The following PIK3C2B variants were observed in gnomAD, a reference collection of about 807,000 sequenced individuals.
PIK3C2B encodes phosphatidylinositol 4-phosphate 3-kinase C2 domain-containing subunit beta.
PIK3C2B carries 83 observed loss-of-function variants against 184.3 expected under a neutral mutation model. The ratio of observed to expected loss-of-function variants is 0.45; its 90% CI spans 0.38 to 0.54. The LOEUF is 0.54. PIK3C2B is among the 20% of genes least tolerant of loss of function. PIK3C2B has a pLI of 0.00. For missense variants in PIK3C2B, 1,736 were observed against 2,113.5 expected (o/e 0.82, Z 3.50); for synonymous variants, 779 against 837.6 (o/e 0.93, Z 1.21).
chr1:204,429,935 G>C lies in PIK3C2B; in HGVS notation c.4384C>G (p.Pro1462Ala), dbSNP rs537055085. Residue 1462 changes from proline (P) to alanine (A), a missense_variant, in exon 29 of 33, where the codon CCT becomes GCT. Pro to Ala is a conservative substitution (Grantham distance 27). Around this residue, in one of 8 missense-constraint regions of PIK3C2B, gnomAD observed 200 missense variants for 199.1 expected, o/e 1.00. Coordinates refer to ENST00000684373, the MANE Select transcript of PIK3C2B (RefSeq NM_001377334.1). ...AGCCCACCCACCTCGGCCACCTCAG[G>C]GGGTGCGTGGATCAAGTGCCAGATG... The part of the protein sequence containing the change: ...GYIWHLIHAP[P>A]EVAECDLVYT... 3.1e-6 allele frequency: 5 copies of C among 1,609,912 alleles called. No homozygotes were observed. In the East Asian group the frequency reaches 1.1e-4, roughly 36 times the overall value.
chr1:204,475,522 G>A (rs2103523465), intron 1 of PIK3C2B, among the ~76,000 whole-genome samples: 1 of 152,280 alleles, frequency 6.6e-6, no homozygotes, highest in East Asian at 1.9e-4. Context: ...GGGTGGTCAG[G>A]ATGTAGGTGG....
In PIK3C2B at chr1:204,442,621, T is replaced by C. The variant is rs1382438840; in HGVS notation, c.3061A>G (p.Thr1021Ala). The C allele has an allele frequency of 1.3e-6, 2 of 1,550,108 alleles. No homozygotes were observed. Among genetic ancestry groups the C allele is most frequent in the Non-Finnish European group, 1.7e-6 (2 of 1,145,404 alleles). Residue 1021 changes from threonine to alanine, a missense_variant, in exon 20 of 33, where the codon ACG (threonine) becomes GCG (alanine). Physicochemically the swap from Thr to Ala is moderately conservative, Grantham distance 58 (BLOSUM62 0). Around this residue, in one of 8 missense-constraint regions of PIK3C2B, gnomAD observed 289 missense variants for 380.4 expected, o/e 0.76. Transcript: ENST00000684373. ...APSARQGILRTGLEEVKQFFA... is the reference protein window; with the variant it reads ...APSARQGILRAGLEEVKQFFA... ...AACTGCTTCACCTCCTCCAGGCCCGTGCGGAGGATTCCCTGGAAAGAAGGG... is the reference window on the plus strand; with the variant it reads ...AACTGCTTCACCTCCTCCAGGCCCGCGCGGAGGATTCCCTGGAAAGAAGGG...
chr1:204,469,134 C>G lies in PIK3C2B; in HGVS notation c.669G>C (p.Leu223=). 1 of 1,614,184 alleles carries G rather than the reference C, an allele frequency of 6.2e-7. No homozygotes were observed. Among genetic ancestry groups the G allele is most frequent in the Non-Finnish European group, 8.5e-7 (1 of 1,180,034 alleles). Residue 223 remains leucine, a synonymous_variant, in exon 2 of 33, where the codon CTG becomes CTC. Coordinates refer to ENST00000684373, the MANE Select transcript of PIK3C2B (RefSeq NM_001377334.1). ...VLGGGGQGRL[L]GSVDYDGIND... ...TGATACCATCATAGTCCACAGACCC[C>G]AGTAGGCGCCCCTGACCCCCACCTC...
Position 204,469,794 on chromosome 1 carries a change from C to G in PIK3C2B, c.9G>C (p.Ser3=), listed in dbSNP as rs2103516830. The change falls in exon 2 of 33, where the codon TCG becomes TCC. Residue 3 remains serine, a synonymous_variant. Coordinates refer to ENST00000684373, the MANE Select transcript of PIK3C2B (RefSeq NM_001377334.1). MS[S]TQGNGEHWKS... Reference sequence around the variant, plus strand: ...TCCAGTGTTCCCCATTGCCCTGAGTCGAAGACATGGTGAGGATGGGGGACA... The same window carrying G: ...TCCAGTGTTCCCCATTGCCCTGAGTGGAAGACATGGTGAGGATGGGGGACA... 6.2e-7 allele frequency: 1 copy of G among 1,612,400 alleles called. No homozygotes were observed. Among genetic ancestry groups the G allele is most frequent in the South Asian group, 1.1e-5 (1 of 91,020 alleles).
rs1675182170 is a variant in PIK3C2B, at chr1:204,433,497, G to T, written c.3844-72C>A. On this transcript the variant is annotated intron_variant, in intron 25 of 32. Transcript: ENST00000684373. This position sits in a 1 kb window ranked among gnomAD's most constrained non-coding sequence, Gnocchi z 5.0. The stretch of plus-strand genomic sequence containing the variant: ...AATTCTTGCTGCTTCTCTACCCTTA[G>T]GCAAGGTTTTCTACAGCTAGGCTCC... 2 of 1,023,488 alleles carry T rather than the reference G, an allele frequency of 2.0e-6. No individual in the cohort carries two copies. Among genetic ancestry groups the T allele is most frequent in the Non-Finnish European group, 1.5e-6 (1 of 654,708 alleles). 63.4% of individuals were successfully genotyped at this position (1,023,488 alleles called of 1,614,324 possible).
chr1:204,435,488 G>C (rs1481921532), intron 23 of PIK3C2B: 1 of 152,064 alleles, frequency 6.6e-6, no homozygotes, highest in East Asian at 1.9e-4. Context: ...TTAGGAATGA[G>C]GGAAAGCTTA....
chr1:204,426,446 A>T (rs765872924), intron 31 of PIK3C2B, among the ~76,000 whole-genome samples: 33 of 152,120 alleles, frequency 2.2e-4, no homozygotes, highest in Non-Finnish European at 4.3e-4. Flanking sequence ...ATGCATAAAC[A>T]TGGCTCCCTC....
Position 204,464,141 on chromosome 1 carries a change from G to A in PIK3C2B, c.1190-9C>T. 1 of 1,613,464 alleles carries A rather than the reference G, an allele frequency of 6.2e-7. No homozygotes were observed. ...GTCTACAGTGGAGGAACCTGTGAAG[G>A]GTAAGGTAGGGGGAGCAATCATGAT... On this transcript the variant is annotated splice_polypyrimidine_tract_variant and intron_variant, in intron 4 of 32. Transcript: ENST00000684373.
intron 2 of PIK3C2B, among the ~76,000 whole-genome samples, chr1:204,465,642 ACGGGCTTTC>A (rs1030555946): frequency 3.4e-5 from 5 of 146,934 alleles, no homozygotes; most frequent in African/African-American, 1.2e-4. Context: ...CTCCTGCAAC[ACGGGCTTTC>A]CGGGGGATTC....
At chr1:204,489,780 G>C in intron 1 of PIK3C2B, 1 of 396,722 alleles carries the variant, frequency 2.5e-6, no homozygotes, top group Non-Finnish European at 4.4e-6. Context: ...TCTGGGCTTT[G>C]CTTAGTTTAT....
rs1328915776 is a variant in PIK3C2B at position 204,444,076 on chromosome 1, G to A, written c.2859C>T (p.Tyr953=). 5.0e-6 allele frequency: 8 copies of A among 1,607,088 alleles called. No homozygotes were observed. The highest frequency in any genetic ancestry group is 6.0e-6 in the Non-Finnish European group (7 of 1,173,494). Reference sequence around the variant, plus strand: ...TCTACATGCAGTTTTACCAGAAGAAGTAGTGAGTCACTCTCAAGTCAGACA... The same window carrying A: ...TCTACATGCAGTTTTACCAGAAGAAATAGTGAGTCACTCTCAAGTCAGACA... ...RAVSDLRVTH[Y]FFWLLKDGLK... Residue 953 remains tyrosine, a synonymous_variant, in exon 18 of 33, where the codon TAC becomes TAT. Coordinates refer to ENST00000684373, the MANE Select transcript of PIK3C2B (RefSeq NM_001377334.1).
intron 14 of PIK3C2B, 37 bp downstream of exon 14, chr1:204,449,148 C>G: frequency 7.1e-7 from 1 of 1,403,226 alleles, no homozygotes; most frequent in East Asian, 2.3e-5. Flanking sequence ...CTGGAATGGT[C>G]TTGCTGGTGA....
Position 204,442,591 on chromosome 1 carries a change from C to G in PIK3C2B, c.3091G>C (p.Ala1031Pro). 1 of 1,556,344 alleles carries G rather than the reference C, an allele frequency of 6.4e-7. No homozygotes were observed. Among genetic ancestry groups the G allele is most frequent in the Non-Finnish European group, 8.7e-7 (1 of 1,149,480 alleles). The change falls in exon 20 of 33, where the codon GCC becomes CCC. Residue 1031 changes from alanine (A) to proline (P), a missense_variant. Physicochemically the swap from Ala to Pro is conservative, Grantham distance 27. This residue lies in a region of PIK3C2B where 289 missense variants were observed against 380.4 expected (regional missense o/e 0.76). Transcript: ENST00000684373. The part of the protein sequence containing the change: ...TGLEEVKQFF[A>P]LNGSCRLPLS... The stretch of plus-strand genomic sequence containing the variant: ...GGCAAGCGGCACGAGCCATTGAGGG[C>G]AAAGAACTGCTTCACCTCCTCCAGG...
Position 204,432,241 on chromosome 1 carries a change from G to A in PIK3C2B, c.4114C>T (p.Leu1372Phe). 5.6e-6 allele frequency: 9 copies of A among 1,614,106 alleles called. No homozygotes were observed. Among genetic ancestry groups the A allele is most frequent in the Non-Finnish European group, 6.8e-6 (8 of 1,180,008 alleles). Residue 1372 changes from leucine to phenylalanine, a missense_variant, in exon 27 of 33, where the codon CTC (leucine) becomes TTC (phenylalanine). Leu to Phe is a conservative substitution (Grantham distance 22). This residue lies in a region of PIK3C2B where 200 missense variants were observed against 199.1 expected (regional missense o/e 1.00). Transcript: ENST00000684373. ...KSSGRISDVF[L>F]CRHEKIFHPN... ...TGGAAGATCTTCTCATGGCGGCAGAGGAAAACATCACTGATTCGGCCAGAG... is the reference window on the plus strand; with the variant it reads ...TGGAAGATCTTCTCATGGCGGCAGAAGAAAACATCACTGATTCGGCCAGAG...
intron 10 of PIK3C2B, 69 bp from the exon 11 acceptor site, chr1:204,456,120 T>C (rs1654827682): frequency 7.5e-7 from 1 of 1,333,872 alleles, no homozygotes; most frequent in Non-Finnish European, 1.0e-6. Flanking sequence ...TGCCATGGCA[T>C]TGGCTAGAAT....
rs1477879608 is a variant in PIK3C2B at position 204,444,342 on chromosome 1, G to A, written c.2761C>T (p.Gln921Ter). 1 of 1,612,194 alleles carries A rather than the reference G, an allele frequency of 6.2e-7. No homozygotes were observed. The highest frequency in any genetic ancestry group is 1.3e-5 in the African/African-American group (1 of 74,834). ...ACCAATCCACCCACCTGTACCAGCT[G>A]GGGCAGGTAGTCTAGCAGCTCAGCA... ...SDAELLDYLP[Q>*]LVQALKYECY... Residue 921 changes from glutamine to a stop codon, truncating the protein, a stop_gained, in exon 17 of 33, where the codon CAG becomes TAG. Coordinates refer to ENST00000684373, the MANE Select transcript of PIK3C2B (RefSeq NM_001377334.1). LOFTEE classifies it high-confidence loss of function.
In PIK3C2B at chr1:204,433,554, T is replaced by A; in HGVS notation, c.3844-129A>T. ...CTTCTAGAGGGTGGTAGACAGATGC[T>A]GTGGGCAGTGGCTGGAGGGCCACAG... On this transcript the variant is annotated intron_variant, in intron 25 of 32. Transcript: ENST00000684373. The surrounding 1 kb of genome is among the most constrained non-coding windows in gnomAD (Gnocchi z 5.0). 1 of 721,576 alleles carries A rather than the reference T, an allele frequency of 1.4e-6. No individual in the cohort carries two copies. 44.7% of individuals were successfully genotyped at this position (721,576 alleles called of 1,614,324 possible).
chr1:204,465,385 C>A, intron 2 of PIK3C2B, 66 bp from the exon 3 acceptor site: 1 of 948,614 alleles, frequency 1.1e-6, no homozygotes, highest in South Asian at 1.4e-5. Context: ...ATGAGGTACT[C>A]CAGACCTAAA....
rs2103480651 is a variant in PIK3C2B at position 204,441,497 on chromosome 1, C to T, written c.3223G>A (p.Gly1075Ser). The T allele has an allele frequency of 6.2e-7, 1 of 1,612,504 alleles. No homozygotes were observed. Among genetic ancestry groups the T allele is most frequent in the South Asian group, 1.1e-5 (1 of 91,018 alleles). Residue 1075 changes from glycine (G) to serine (S), a missense_variant, in exon 21 of 33, where the codon GGT becomes AGT. Gly to Ser is a moderately conservative substitution (Grantham distance 56). This residue lies in a region of PIK3C2B where 289 missense variants were observed against 380.4 expected (regional missense o/e 0.76). Transcript: ENST00000684373. ...TTGAAGATGACACGGATGTTCTCAC[C>T]CAGGGGATCCACATTTTGGAAGGAG... ...KLSFQNVDPL[G>S]ENIRVIFKCG... is the part of the protein sequence containing the mutation.
Sources: allele counts gnomAD v4.1 joint callset (sites outside exome capture counted in the v4.1 genomes callset), GRCh38; gene constraint gnomAD v4.1.1; regional missense constraint gnomAD v4.1.1; non-coding constraint Gnocchi (gnomAD v3.1); transcripts MANE v1.5; gene names NCBI Gene and HGNC (gene_info 2026-07-23, HGNC 2026-07-21).